Variants in ANKS1B observed in about 807,000 individuals in gnomAD.
ANKS1B encodes ankyrin repeat and sterile alpha motif domain-containing protein 1B.
ANKS1B carries 36 observed loss-of-function variants against 148.3 expected under a neutral mutation model. That is an observed-to-expected ratio of 0.24 (90% CI 0.19 to 0.32). ANKS1B has a LOEUF of 0.32. Among genes scored for constraint, ANKS1B ranks in the 10% least tolerant of loss-of-function variants. The pLI is 1.00. For synonymous variants in ANKS1B, 542 were observed against 560.8 expected (o/e 0.97, Z 0.47); for missense variants, 1,157 against 1,542.6 (o/e 0.75, Z 4.19).
At chr12:99,727,058 C>T (rs2058687632) in intron 8 of ANKS1B, among the ~76,000 whole-genome samples, 1 of 152,122 alleles carries the variant, frequency 6.6e-6, no homozygotes, top group South Asian at 2.1e-4. Context: ...AAGCTGGAAG[C>T]ATTCCCTTTG....
intron 9 of ANKS1B, among the ~76,000 whole-genome samples, chr12:99,630,095 TAGGACAA>T (rs2098143054): frequency 6.6e-6 from 1 of 152,028 alleles, no homozygotes; most frequent in Admixed American, 6.6e-5. Flanking sequence ...AAATATCAGA[TAGGACAA>T]ATAATGAAAA....
intron 17 of ANKS1B, among the ~76,000 whole-genome samples, chr12:99,025,307 T>C (rs1362044862): frequency 1.3e-5 from 2 of 152,180 alleles, no homozygotes; most frequent in Non-Finnish European, 2.9e-5. Flanking sequence ...ATGAGAATAC[T>C]AAGACCCTTC....
At chr12:99,238,074 C>G (rs531321421) in intron 14 of ANKS1B, among the ~76,000 whole-genome samples, 1 of 152,204 alleles carries the variant, frequency 6.6e-6, no homozygotes, top group Non-Finnish European at 1.5e-5. Flanking sequence ...CCACAGAGGG[C>G]GAGCTGAAGC....
chr12:98,926,416 G>A (rs12320495), intron 17 of ANKS1B, among the ~76,000 whole-genome samples: 68 of 152,084 alleles, frequency 4.5e-4, no homozygotes, highest in African/African-American at 1.5e-3. Context: ...TTAGAGAGGA[G>A]GGAGGAATAT....
intron 1 of ANKS1B, among the ~76,000 whole-genome samples, chr12:99,872,212 C>A (rs189928584): frequency 1.3e-5 from 2 of 152,190 alleles, no homozygotes; most frequent in Admixed American, 6.5e-5. Context: ...TATAACCTAG[C>A]AATACCATTT....
At chr12:98,919,425 G>C (rs1007914933) in intron 17 of ANKS1B, among the ~76,000 whole-genome samples, 1 of 152,164 alleles carries the variant, frequency 6.6e-6, no homozygotes, top group African/African-American at 2.4e-5. Context: ...CAAGGGCGGA[G>C]ATGCCATCAT....
At chr12:99,341,878 AACT>A (rs2089978007) in intron 12 of ANKS1B, among the ~76,000 whole-genome samples, 1 of 152,142 alleles carries the variant, frequency 6.6e-6, no homozygotes, top group Non-Finnish European at 1.5e-5. Context: ...TTCACCTTTT[AACT>A]ACTACAATAT....
At chr12:99,090,327 A>G (rs974093243) in intron 15 of ANKS1B, among the ~76,000 whole-genome samples, 3 of 152,178 alleles carry the variant, frequency 2.0e-5, no homozygotes, top group Admixed American at 1.3e-4. Context: ...CATATTATAT[A>G]TTGTAGAAAA....
chr12:98,964,994 AC>A (rs2099876601), intron 17 of ANKS1B, among the ~76,000 whole-genome samples: 1 of 152,234 alleles, frequency 6.6e-6, no homozygotes, highest in South Asian at 2.1e-4. Flanking sequence ...AAGGATAAAT[AC>A]TTGAGGTGAT....
intron 15 of ANKS1B, among the ~76,000 whole-genome samples, chr12:99,100,676 C>T (rs1178061957): frequency 6.6e-6 from 1 of 152,178 alleles, no homozygotes; most frequent in Non-Finnish European, 1.5e-5. Context: ...ATTACAGGCA[C>T]ATGCCATCAC....
chr12:98,832,439 G>A (rs1238754094), intron 17 of ANKS1B, among the ~76,000 whole-genome samples: 4 of 152,078 alleles, frequency 2.6e-5, no homozygotes. Flanking sequence ...ATAAGCAGCC[G>A]AAACCTCACA....
In ANKS1B at chr12:99,936,485, A is replaced by G. The variant is rs547744154; in HGVS notation, c.134+47619T>C. 3.9e-5 allele frequency among the ~76,000 whole-genome samples: 6 copies of G among 152,258 alleles called. No homozygotes were observed. The East Asian group carries it at 9.7e-4, about 24-fold the overall frequency. Reference sequence around the variant, plus strand: ...AATATGGCAAGACCCCATCTCTTAAAAAAATGGATAATTACAGTTGCAACT... The same window carrying G: ...AATATGGCAAGACCCCATCTCTTAAGAAAATGGATAATTACAGTTGCAACT... On this transcript the variant is annotated intron_variant, in intron 1 of 26. Transcript: ENST00000683438.
At chr12:99,096,419 A>G (rs1272354511) in intron 15 of ANKS1B, among the ~76,000 whole-genome samples, 1 of 152,066 alleles carries the variant, frequency 6.6e-6, no homozygotes. Flanking sequence ...GGCTTTTTCG[A>G]GTTTAAAATT....
At chr12:99,389,163 T>C (rs375410102) in intron 12 of ANKS1B, among the ~76,000 whole-genome samples, 1 of 152,092 alleles carries the variant, frequency 6.6e-6, no homozygotes, top group South Asian at 2.1e-4. Flanking sequence ...ACAATCAGTC[T>C]ATCCAGTAGG....
chr12:98,762,201 C>A (rs1201965525), intron 25 of ANKS1B, among the ~76,000 whole-genome samples: 1 of 152,192 alleles, frequency 6.6e-6, no homozygotes, highest in Non-Finnish European at 1.5e-5. Context: ...CCCTGGATCA[C>A]CTGCATAGGC....
chr12:98,914,233 G>C lies in ANKS1B; in HGVS notation c.2779-82097C>G, dbSNP rs138109286. Among the ~76,000 whole-genome samples, 132 of 152,102 alleles carry C rather than the reference G, an allele frequency of 8.7e-4. 1 individual carries two copies. Among genetic ancestry groups the C allele is most frequent in the Non-Finnish European group, 7.4e-4 (50 of 67,998 alleles). On this transcript the variant is annotated intron_variant, in intron 17 of 26. Transcript: ENST00000683438. ...CTCTCTCTTGATCCTATTACTATGT[G>C]ACATGCTGGCTCCTTGTCACCTTTT... is the stretch of plus-strand genomic sequence containing the variant.
chr12:99,585,757 C>T (rs564716837), intron 9 of ANKS1B, among the ~76,000 whole-genome samples: 42 of 152,322 alleles, frequency 2.8e-4, no homozygotes, highest in African/African-American at 9.9e-4. Flanking sequence ...GTTGCCAATG[C>T]TTGGGGCTTG....
intron 1 of ANKS1B, among the ~76,000 whole-genome samples, chr12:99,843,235 A>C (rs1276612555): frequency 6.6e-6 from 1 of 152,058 alleles, no homozygotes; most frequent in African/African-American, 2.4e-5. Flanking sequence ...CATATTTTTA[A>C]ATCTGTTGTT....
At chr12:98,833,010 G>A (rs117676554) in intron 17 of ANKS1B, among the ~76,000 whole-genome samples, 1 of 152,292 alleles carries the variant, frequency 6.6e-6, no homozygotes, top group East Asian at 1.9e-4. Context: ...CAGTTAGAAT[G>A]AAGGACTGCC....
Sources: allele counts gnomAD v4.1 joint callset (sites outside exome capture counted in the v4.1 genomes callset), GRCh38; gene constraint gnomAD v4.1.1; transcripts MANE v1.5; gene names NCBI Gene and HGNC (gene_info 2026-07-23, HGNC 2026-07-21).